The following OTUD7A variants were observed in gnomAD, a reference collection of about 807,000 sequenced individuals.
OTUD7A encodes the protein OTU domain-containing protein 7A.
OTUD7A carries 12 observed loss-of-function variants against 65.7 expected under a neutral mutation model. The ratio of observed to expected loss-of-function variants is 0.18; its 90% CI spans 0.12 to 0.30. The LOEUF is 0.30. Ranked by LOEUF, OTUD7A falls within the 10% of genes least tolerant of loss-of-function variation. The pLI is 1.00. For missense variants in OTUD7A, 1,148 were observed against 1,304.8 expected, an observed-to-expected ratio of 0.88 and a Z score of 1.85; for synonymous variants, 641 against 586.3, an observed-to-expected ratio of 1.09 and a Z score of -1.35.
chr15:31,542,643 A>G (rs151225103), intron 5 of OTUD7A, among the ~76,000 whole-genome samples: 7 of 152,116 alleles, frequency 4.6e-5, no homozygotes, highest in African/African-American at 1.4e-4. Context: ...TTAAAAGTCT[A>G]AGACATTCTA....
At chr15:31,738,462 G>C (rs1894252214) in intron 1 of OTUD7A, among the ~76,000 whole-genome samples, 1 of 152,180 alleles carries the variant, frequency 6.6e-6, no homozygotes, top group African/African-American at 2.4e-5. Flanking sequence ...CAGGGAGGGA[G>C]ATCAGTTGCC....
At chr15:31,570,442 TACACACACACACACACACAC>T (rs57517466) in intron 3 of OTUD7A, among the ~76,000 whole-genome samples, 19 of 143,218 alleles carry the variant, frequency 1.3e-4, no homozygotes, top group East Asian at 2.0e-4. Context: ...TTTAGGTTCA[TACACACACACACACACACAC>T]ACACACACAC....
At chr15:31,597,850 G>A (rs1595641229) in intron 3 of OTUD7A, among the ~76,000 whole-genome samples, 1 of 152,236 alleles carries the variant, frequency 6.6e-6, no homozygotes, top group African/African-American at 2.4e-5. Flanking sequence ...GGGGCATAGA[G>A]CCTGGGCTGT....
intron 8 of OTUD7A, among the ~76,000 whole-genome samples, chr15:31,509,302 G>A (rs1037696954): frequency 1.0e-4 from 15 of 150,250 alleles, no homozygotes; most frequent in African/African-American, 3.7e-4. Flanking sequence ...TTTTGGAGAC[G>A]GAGTCTTGCT....
At chr15:31,578,200 A>G (rs59066987) in intron 3 of OTUD7A, among the ~76,000 whole-genome samples, 3,504 of 152,282 alleles carry the variant, frequency 0.023, 166 homozygotes, top group African/African-American at 0.08. Context: ...GGAATGCAGG[A>G]AAAGCTGACC....
intron 1 of OTUD7A, among the ~76,000 whole-genome samples, chr15:31,748,685 G>A (rs562419116): frequency 1.3e-5 from 2 of 152,054 alleles, no homozygotes; most frequent in South Asian, 2.1e-4. Flanking sequence ...AAAGCTAAAC[G>A]TACAAATACC....
intron 3 of OTUD7A, among the ~76,000 whole-genome samples, chr15:31,615,956 C>A (rs963672546): frequency 1.3e-5 from 2 of 152,250 alleles, no homozygotes; most frequent in African/African-American, 4.8e-5. Flanking sequence ...CCTTCTCTCT[C>A]CCCTGCAAGG....
intron 1 of OTUD7A, among the ~76,000 whole-genome samples, chr15:31,789,984 C>T (rs1352032721): frequency 6.6e-6 from 1 of 152,208 alleles, no homozygotes; most frequent in African/African-American, 2.4e-5. Flanking sequence ...AGCGGGGAGA[C>T]TGGCTGACTA....
intron 1 of OTUD7A, among the ~76,000 whole-genome samples, chr15:31,792,315 C>T (rs535246061): frequency 2.0e-5 from 3 of 152,206 alleles, no homozygotes; most frequent in East Asian, 1.9e-4. Flanking sequence ...ACACAGAAAC[C>T]GGATGCCATC....
intron 1 of OTUD7A, among the ~76,000 whole-genome samples, chr15:31,662,716 T>C (rs1030407104): frequency 6.6e-6 from 1 of 152,260 alleles, no homozygotes; most frequent in East Asian, 1.9e-4. Context: ...ACAGGACTTC[T>C]TGGACAGCTA....
chr15:31,503,332 G>C (rs2041501624), intron 9 of OTUD7A, among the ~76,000 whole-genome samples: 1 of 152,206 alleles, frequency 6.6e-6, no homozygotes, highest in African/African-American at 2.4e-5. Context: ...CTGCGGAGGG[G>C]TGGGAACACA....
intron 1 of OTUD7A, among the ~76,000 whole-genome samples, chr15:31,756,627 AACACACACACAC>A (rs56792926): frequency 0.095 from 13,085 of 138,286 alleles, 841 homozygotes; most frequent in African/African-American, 0.16. Context: ...CAGTGTACCC[AACACACACACAC>A]ACACACACAC....
intron 1 of OTUD7A, among the ~76,000 whole-genome samples, chr15:31,833,876 C>A (rs1896992498): frequency 6.6e-6 from 1 of 152,312 alleles, no homozygotes; most frequent in East Asian, 1.9e-4. Context: ...TCAGTTTTCA[C>A]AAGCCATAGA....
At chr15:31,796,105 TA>T (rs1895945839) in intron 1 of OTUD7A, among the ~76,000 whole-genome samples, 1 of 151,040 alleles carries the variant, frequency 6.6e-6, no homozygotes, top group Admixed American at 6.7e-5. Context: ...TCTGTAACAT[TA>T]GGGGTTCTCC....
intron 4 of OTUD7A, among the ~76,000 whole-genome samples, chr15:31,569,704 G>A (rs1888985057): frequency 1.3e-5 from 2 of 152,216 alleles, no homozygotes; most frequent in African/African-American, 4.8e-5. Context: ...TTGGAAATAT[G>A]TGAAAGAACT....
chr15:31,585,694 C>A lies in OTUD7A; in HGVS notation c.152-15497G>T, dbSNP rs1871546006. Among the ~76,000 whole-genome samples, 4 of 152,312 alleles carry A rather than the reference C, an allele frequency of 2.6e-5. No individual in the cohort carries two copies. In the South Asian group the frequency reaches 8.3e-4, roughly 32 times the overall value. ...CCTTCTCACTTGCAACCTCCAGATT[C>A]TTATGTGCTCCAGAAAGAGCCCCGG... On this transcript the variant is annotated intron_variant, in intron 3 of 12. Transcript: ENST00000307050.
intron 1 of OTUD7A, among the ~76,000 whole-genome samples, chr15:31,855,511 G>GA (rs992842313): frequency 2.0e-4 from 30 of 149,772 alleles, no homozygotes; most frequent in Admixed American, 2.0e-4. Flanking sequence ...AAAACAAATC[G>GA]AAAAAAAAAT....
intron 1 of OTUD7A, among the ~76,000 whole-genome samples, chr15:31,824,002 T>C (rs530726300): frequency 1.3e-5 from 2 of 152,342 alleles, no homozygotes; most frequent in Non-Finnish European, 2.9e-5. Context: ...TCATTGAACA[T>C]CTTCCAGACA....
At chr15:31,676,576 G>C (rs1396936878) in intron 1 of OTUD7A, among the ~76,000 whole-genome samples, 2 of 152,290 alleles carry the variant, frequency 1.3e-5, no homozygotes, top group East Asian at 3.9e-4. Context: ...AGCTGTGCTG[G>C]CCTGTGACCA....
Sources: gnomAD v4.1 joint callset for allele counts (sites outside exome capture counted in the v4.1 genomes callset) on GRCh38, gnomAD v4.1.1 for gene constraint, MANE v1.5 for transcripts, NCBI Gene and HGNC (gene_info 2026-07-23, HGNC 2026-07-21) for gene names.